Variants in LIMS1 observed in about 807,000 individuals in gnomAD.
The protein encoded by LIMS1 is LIM zinc finger domain containing 1.
LIMS1 carries 18 observed loss-of-function variants against 44.1 expected under a neutral mutation model. The observed-to-expected ratio is 0.41, with a 90% CI of 0.28 to 0.61. The LOEUF (loss-of-function observed/expected upper bound fraction) is 0.61, where lower values mean the gene tolerates loss of function less well. Among genes scored for constraint, LIMS1 ranks in the 20% least tolerant of loss-of-function variants. LIMS1 has a pLI of 0.32. For synonymous variants in LIMS1, 93 were observed against 149.1 expected (o/e 0.62, Z 2.74); for missense variants, 201 against 422.0 (o/e 0.48, Z 4.59).
At chr2:108,607,311 A>T in intron 1 of LIMS1, 2 of 1,490,948 alleles carry the variant, frequency 1.3e-6, no homozygotes, top group Non-Finnish European at 1.8e-6. Flanking sequence ...ACACAAATAG[A>T]ACATAATTGA....
At chr2:108,642,796 A>G (rs1299581753) in intron 1 of LIMS1, among the ~76,000 whole-genome samples, 1 of 152,114 alleles carries the variant, frequency 6.6e-6, no homozygotes, top group African/African-American at 2.4e-5. Context: ...GCTTATTTGT[A>G]TTTGGCCATG....
chr2:108,636,105 C>T (rs188444878), intron 1 of LIMS1, among the ~76,000 whole-genome samples: 13 of 152,284 alleles, frequency 8.5e-5, no homozygotes, highest in South Asian at 2.1e-4. Context: ...TAGGAATAGC[C>T]GCTGTAAGGA....
chr2:108,599,744 T>C (rs961465390), intron 1 of LIMS1, among the ~76,000 whole-genome samples: 3 of 152,152 alleles, frequency 2.0e-5, no homozygotes, highest in Non-Finnish European at 4.4e-5. Context: ...TGAGATCTCA[T>C]TGTACTTTTG....
chr2:108,604,001 C>T (rs1343513538), intron 1 of LIMS1, among the ~76,000 whole-genome samples: 2 of 152,018 alleles, frequency 1.3e-5, no homozygotes, highest in Admixed American at 1.3e-4. Context: ...ACTGCTTTCC[C>T]TATATCTCAT....
chr2:108,593,707 G>T (rs780334392), intron 1 of LIMS1, among the ~76,000 whole-genome samples: 24 of 152,202 alleles, frequency 1.6e-4, no homozygotes, highest in Non-Finnish European at 2.5e-4. Context: ...CACACTGCTA[G>T]CAACAGCTGG....
intron 1 of LIMS1, among the ~76,000 whole-genome samples, chr2:108,567,760 C>T (rs1191451025): frequency 2.0e-5 from 3 of 151,994 alleles, no homozygotes; most frequent in Admixed American, 6.6e-5. Context: ...TTAGTAGAGG[C>T]GGGGTTTCTC....
intron 1 of LIMS1, among the ~76,000 whole-genome samples, chr2:108,579,725 T>C (rs532973031): frequency 9.8e-5 from 15 of 152,366 alleles, no homozygotes; most frequent in African/African-American, 3.4e-4. Flanking sequence ...CAGGCATGAC[T>C]GGCATGGGGC....
intron 1 of LIMS1, 144 bp downstream of exon 1, chr2:108,534,738 A>C: frequency 3.6e-6 from 1 of 277,912 alleles, no homozygotes; most frequent in South Asian, 1.3e-4. Flanking sequence ...CCCGACCCCC[A>C]GCGCTCGGGT....
chr2:108,614,948 G>A (rs144549155), intron 1 of LIMS1, among the ~76,000 whole-genome samples: 2 of 152,228 alleles, frequency 1.3e-5, no homozygotes, highest in East Asian at 1.9e-4. Context: ...TCAGAATATC[G>A]GAACTGTTAG....
At chr2:108,625,793 T>C (rs1344635125) in intron 1 of LIMS1, among the ~76,000 whole-genome samples, 1 of 152,208 alleles carries the variant, frequency 6.6e-6, no homozygotes, top group East Asian at 1.9e-4. Flanking sequence ...ATGTAACCTT[T>C]ACTTTCTGGT....
At chr2:108,617,403 T>G (rs1165306048) in intron 1 of LIMS1, among the ~76,000 whole-genome samples, 1 of 152,118 alleles carries the variant, frequency 6.6e-6, no homozygotes, top group African/African-American at 2.4e-5. Flanking sequence ...AGCTTCAGAG[T>G]TTTAGTCTCA....
At chr2:108,561,836 G>T (rs112330891) in intron 1 of LIMS1, among the ~76,000 whole-genome samples, 2 of 148,294 alleles carry the variant, frequency 1.3e-5, no homozygotes, top group African/African-American at 4.9e-5. Context: ...TCTGCCTCCC[G>T]GGTTCAAGCA....
intron 1 of LIMS1, among the ~76,000 whole-genome samples, chr2:108,653,921 G>C (rs1203710122): frequency 7.9e-6 from 1 of 126,290 alleles, no homozygotes; most frequent in Non-Finnish European, 1.7e-5. Context: ...GCCTTCCGAT[G>C]AATACACAAT....
chr2:108,577,945 T>A (rs1282454829), intron 1 of LIMS1, among the ~76,000 whole-genome samples: 1 of 152,242 alleles, frequency 6.6e-6, no homozygotes, highest in Non-Finnish European at 1.5e-5. Context: ...TGTCTTGTTC[T>A]GTCGCCCGAT....
chr2:108,586,332 G>C (rs553246948), intron 1 of LIMS1, among the ~76,000 whole-genome samples: 3 of 152,162 alleles, frequency 2.0e-5, no homozygotes, highest in Non-Finnish European at 4.4e-5. Flanking sequence ...CAAACTCTTC[G>C]GGGGAAAGAG....
chr2:108,540,329 G>A (rs896973632), intron 1 of LIMS1, among the ~76,000 whole-genome samples: 2 of 150,728 alleles, frequency 1.3e-5, no homozygotes, highest in African/African-American at 4.9e-5. Flanking sequence ...TTCCCAAGTA[G>A]CTAGGACTAC....
chr2:108,673,178 TATA>T, intron 5 of LIMS1, 149 bp downstream of exon 5: 2 of 1,240,772 alleles, frequency 1.6e-6, no homozygotes, highest in East Asian at 5.0e-5. Flanking sequence ...AAGAGAATGA[TATA>T]ATGAAACCTG....
chr2:108,628,936 A>G (rs979602666), intron 1 of LIMS1, among the ~76,000 whole-genome samples: 1 of 152,226 alleles, frequency 6.6e-6, no homozygotes, highest in African/African-American at 2.4e-5. Context: ...CTGCATTGAA[A>G]TATTTTTTTA....
chr2:108,593,911 A>G (rs1203606895), intron 1 of LIMS1, among the ~76,000 whole-genome samples: 2 of 152,212 alleles, frequency 1.3e-5, no homozygotes, highest in African/African-American at 4.8e-5. Flanking sequence ...TCCTTCAGTC[A>G]TTACATATCT....
Sources: allele counts gnomAD v4.1 joint callset (sites outside exome capture counted in the v4.1 genomes callset), GRCh38; gene constraint gnomAD v4.1.1; transcripts MANE v1.5; gene names NCBI Gene and HGNC (gene_info 2026-07-23, HGNC 2026-07-21).